TNFRSF19: variants seen among roughly 807,000 people sequenced by gnomAD.
TNFRSF19 encodes the protein tumor necrosis factor receptor superfamily member 19.
TNFRSF19 carries 27 observed loss-of-function variants against 46.4 expected under a neutral mutation model. That is an observed-to-expected ratio of 0.58 (90% confidence interval 0.43 to 0.80). The LOEUF is 0.80. Ranked by LOEUF, TNFRSF19 falls within the 30% of genes least tolerant of loss-of-function variation. TNFRSF19 has a pLI of 0.00. For synonymous variants in TNFRSF19, 204 were observed against 205.0 expected (o/e 1.00, Z 0.04); for missense variants, 511 against 530.8 (o/e 0.96, Z 0.37).
At chr13:23,597,848 A>G (rs1181419660) in intron 3 of TNFRSF19, among the ~76,000 whole-genome samples, 4 of 152,218 alleles carry the variant, frequency 2.6e-5, no homozygotes, top group Non-Finnish European at 4.4e-5. Context: ...AAAATCCTCA[A>G]TAAAATACTG....
chr13:23,648,194 C>T (rs1883437534), intron 5 of TNFRSF19, among the ~76,000 whole-genome samples: 1 of 152,156 alleles, frequency 6.6e-6, no homozygotes, highest in African/African-American at 2.4e-5. Flanking sequence ...GTCATCTTAA[C>T]AATAGTAATT....
chr13:23,608,644 T>A (rs1352673520), intron 3 of TNFRSF19, among the ~76,000 whole-genome samples: 1 of 152,238 alleles, frequency 6.6e-6, no homozygotes, highest in African/African-American at 2.4e-5. Flanking sequence ...CTCTATCCAG[T>A]ATACGAGCAA....
intron 3 of TNFRSF19, among the ~76,000 whole-genome samples, chr13:23,612,652 A>G (rs1471271994): frequency 6.6e-6 from 1 of 152,220 alleles, no homozygotes; most frequent in African/African-American, 2.4e-5. Context: ...CTTTAAAAAT[A>G]TTACATTTTT....
chr13:23,616,131 A>G, intron 4 of TNFRSF19, 86 bp downstream of exon 4: 1 of 1,373,208 alleles, frequency 7.3e-7, no homozygotes, highest in Non-Finnish European at 9.8e-7. Context: ...CTAAACTGGA[A>G]TGCATGCTGG....
chr13:23,575,029 T>C (rs939818704), intron 1 of TNFRSF19, among the ~76,000 whole-genome samples: 4 of 152,210 alleles, frequency 2.6e-5, no homozygotes, highest in Non-Finnish European at 5.9e-5. Context: ...GGAGTTCTGA[T>C]AAAGATAGTT....
At chr13:23,608,089 T>A (rs561575095) in intron 3 of TNFRSF19, among the ~76,000 whole-genome samples, 14 of 152,306 alleles carry the variant, frequency 9.2e-5, no homozygotes, top group African/African-American at 3.4e-4. Context: ...TGGTGTGTGG[T>A]CAGTAGGTCC....
chr13:23,630,184 T>G (rs1056877636), intron 5 of TNFRSF19, among the ~76,000 whole-genome samples: 3 of 151,700 alleles, frequency 2.0e-5, no homozygotes, highest in African/African-American at 7.3e-5. Context: ...GTGCCTTTGA[T>G]TCTAGCTACT....
chr13:23,597,017 G>A (rs1376636142), intron 3 of TNFRSF19, among the ~76,000 whole-genome samples: 1 of 152,066 alleles, frequency 6.6e-6, no homozygotes, highest in Non-Finnish European at 1.5e-5. Context: ...ACAAAATTAA[G>A]GCAGAAATAA....
chr13:23,663,276 T>C (rs903527328), intron 7 of TNFRSF19, among the ~76,000 whole-genome samples: 11 of 152,184 alleles, frequency 7.2e-5, no homozygotes, highest in African/African-American at 2.7e-4. Flanking sequence ...GAGATAATCA[T>C]GTGGTTTTGT....
At chr13:23,579,835 T>G (rs1405682580) in intron 1 of TNFRSF19, among the ~76,000 whole-genome samples, 1 of 151,884 alleles carries the variant, frequency 6.6e-6, no homozygotes, top group Admixed American at 6.6e-5. Flanking sequence ...TAAATAGATC[T>G]GCTTGTGAGG....
Position 23,615,913 on chromosome 13 carries a change from G to A in TNFRSF19, c.227G>A (p.Arg76Gln), listed in dbSNP as rs760538394. 2.7e-5 allele frequency: 44 copies of A among 1,613,608 alleles called. No individual in the cohort carries two copies. Among genetic ancestry groups the A allele is most frequent in the African/African-American group, 6.7e-5 (5 of 74,880 alleles). Residue 76 changes from arginine (R) to glutamine (Q), a missense_variant, in exon 4 of 10, where the codon CGG (arginine) becomes CAG (glutamine). Arg to Gln is a conservative substitution (Grantham distance 43, BLOSUM62 1). Transcript: ENST00000248484. ...YGEDAQCVTC[R>Q]LHRFKEDWGF... ...GAGGATGCACAGTGTGTGACGTGCC[G>A]GCTGCACAGGTTCAAGGAGGACTGG...
chr13:23,593,230 A>G (rs1293257232), intron 2 of TNFRSF19, 115 bp from the exon 3 acceptor site: 2 of 582,418 alleles, frequency 3.4e-6, no homozygotes, highest in African/African-American at 3.9e-5. Context: ...ATTGACTTGA[A>G]CTGATATTTA....
At chr13:23,573,235 A>C (rs989197766) in intron 1 of TNFRSF19, among the ~76,000 whole-genome samples, 3 of 152,136 alleles carry the variant, frequency 2.0e-5, no homozygotes, top group African/African-American at 7.2e-5. Flanking sequence ...GAACAATATT[A>C]GTTTGAAAAA....
At chr13:23,608,672 T>C (rs1285305144) in intron 3 of TNFRSF19, among the ~76,000 whole-genome samples, 2 of 152,254 alleles carry the variant, frequency 1.3e-5, no homozygotes, top group Non-Finnish European at 2.9e-5. Flanking sequence ...CTGCGGTTAC[T>C]GAACACTTAC....
chr13:23,630,569 G>A (rs1304981728), intron 5 of TNFRSF19, among the ~76,000 whole-genome samples: 1 of 152,128 alleles, frequency 6.6e-6, no homozygotes, highest in Non-Finnish European at 1.5e-5. Flanking sequence ...GGAGCTCAGG[G>A]TTGATGAGTG....
At chr13:23,608,633 G>T (rs1041366534) in intron 3 of TNFRSF19, among the ~76,000 whole-genome samples, 3 of 152,176 alleles carry the variant, frequency 2.0e-5, no homozygotes, top group African/African-American at 7.2e-5. Flanking sequence ...GTCTCTATCT[G>T]CTCTATCCAG....
intron 5 of TNFRSF19, among the ~76,000 whole-genome samples, chr13:23,645,659 C>T (rs941257884): frequency 6.6e-6 from 1 of 152,176 alleles, no homozygotes; most frequent in African/African-American, 2.4e-5. Context: ...TCAAAGCCTA[C>T]CTGCATTCTG....
At chr13:23,665,476 C>T (rs911761722) in intron 7 of TNFRSF19, among the ~76,000 whole-genome samples, 1 of 152,020 alleles carries the variant, frequency 6.6e-6, no homozygotes. Context: ...TTCCCTTTAA[C>T]TTTTTATTTT....
At chr13:23,572,212 A>C (rs896760252) in intron 1 of TNFRSF19, among the ~76,000 whole-genome samples, 2 of 152,184 alleles carry the variant, frequency 1.3e-5, no homozygotes, top group African/African-American at 4.8e-5. Context: ...TGTGTCATTA[A>C]TAACTTAATC....
Sources: gnomAD v4.1 joint callset for allele counts (sites outside exome capture counted in the v4.1 genomes callset) on GRCh38, gnomAD v4.1.1 for gene constraint, MANE v1.5 for transcripts, NCBI Gene and HGNC (gene_info 2026-07-23, HGNC 2026-07-21) for gene names.